The following ZHX2 variants were observed in gnomAD, a reference collection of about 807,000 sequenced individuals.
ZHX2 encodes zinc fingers and homeoboxes protein 2.
Under a neutral mutation model 21.9 loss-of-function variants are expected in ZHX2, and 6 were observed. The ratio of observed to expected loss-of-function variants is 0.27; its 90% CI spans 0.15 to 0.54. The LOEUF is 0.54. Ranked by LOEUF, ZHX2 falls within the 20% of genes least tolerant of loss-of-function variation. The pLI, the probability that ZHX2 is intolerant of heterozygous loss-of-function variation, is 0.95. For missense variants in ZHX2, 908 were observed against 1,090.7 expected, an observed-to-expected ratio of 0.83 and a Z score of 2.36; for synonymous variants, 434 against 437.1, an observed-to-expected ratio of 0.99 and a Z score of 0.09.
intron 1 of ZHX2, among the ~76,000 whole-genome samples, chr8:122,821,038 TAAAG>T (rs1222843438): frequency 2.0e-5 from 3 of 152,066 alleles, no homozygotes; most frequent in African/African-American, 4.8e-5. Context: ...GAGTCAGAAA[TAAAG>T]AAAGGAAGGA....
At chr8:122,870,480 TA>T (rs935177588) in intron 2 of ZHX2, among the ~76,000 whole-genome samples, 15 of 143,566 alleles carry the variant, frequency 1.0e-4, no homozygotes, top group African/African-American at 2.0e-4. Flanking sequence ...AAATTAAAAA[TA>T]AAAAAAAAAT....
intron 2 of ZHX2, among the ~76,000 whole-genome samples, chr8:122,896,905 T>C (rs567516262): frequency 5.3e-5 from 8 of 152,358 alleles, no homozygotes; most frequent in African/African-American, 1.9e-4. Flanking sequence ...AGATGATGTG[T>C]CCAAACTCAG....
intron 2 of ZHX2, among the ~76,000 whole-genome samples, chr8:122,881,730 C>T (rs375106186): frequency 6.6e-6 from 1 of 152,162 alleles, no homozygotes; most frequent in African/African-American, 2.4e-5. Context: ...TGACAGGCCA[C>T]GTAGGGACTA....
chr8:122,940,971 T>C (rs1044441163), intron 2 of ZHX2, among the ~76,000 whole-genome samples: 1 of 151,988 alleles, frequency 6.6e-6, no homozygotes, highest in African/African-American at 2.4e-5. Flanking sequence ...GGCTCCCACC[T>C]TTAATCCCAG....
At chr8:122,967,184 A>G (rs1203652870) in intron 3 of ZHX2, among the ~76,000 whole-genome samples, 1 of 152,220 alleles carries the variant, frequency 6.6e-6, no homozygotes, top group Non-Finnish European at 1.5e-5. Context: ...GTCCGTTGCT[A>G]GAGAGCCAGT....
At chr8:122,965,633 A>G (rs1813561784) in intron 3 of ZHX2, among the ~76,000 whole-genome samples, 2 of 152,072 alleles carry the variant, frequency 1.3e-5, no homozygotes, top group African/African-American at 4.8e-5. Flanking sequence ...GCAGTTGTTG[A>G]GTAGAACATT....
At chr8:122,930,742 G>C (rs1178656864) in intron 2 of ZHX2, among the ~76,000 whole-genome samples, 1 of 151,438 alleles carries the variant, frequency 6.6e-6, no homozygotes, top group Admixed American at 6.6e-5. Flanking sequence ...TGACTGCCTC[G>C]GTCTCCCAAA....
rs73711246 is a variant in ZHX2, at chr8:122,911,966, G to A, written c.-219-39326G>A. Among the ~76,000 whole-genome samples the A allele has an allele frequency of 6.7e-3, 1,022 of 152,224 alleles. 15 individuals are homozygous for A. Among genetic ancestry groups the A allele is most frequent in the African/African-American group, 0.024 (985 of 41,530 alleles). Reference sequence around the variant, plus strand: ...TCTGAGGCCTGGAGGGGACACACGCGCTTGAGCAGCTGCCCCCTGGAATCC... The same window carrying A: ...TCTGAGGCCTGGAGGGGACACACGCACTTGAGCAGCTGCCCCCTGGAATCC... On this transcript the variant is annotated intron_variant, in intron 2 of 3. Transcript: ENST00000314393.
chr8:122,889,392 A>AT (rs1029688772), intron 2 of ZHX2, among the ~76,000 whole-genome samples: 2 of 152,040 alleles, frequency 1.3e-5, no homozygotes, highest in Non-Finnish European at 2.9e-5. Flanking sequence ...AGCATTTGTT[A>AT]TTTTTTGTCT....
chr8:122,797,628 G>A (rs1011896570), intron 1 of ZHX2, among the ~76,000 whole-genome samples: 1 of 151,974 alleles, frequency 6.6e-6, no homozygotes, highest in Non-Finnish European at 1.5e-5. Context: ...CTTAGTCAGC[G>A]CCGTCTTTGA....
intron 2 of ZHX2, among the ~76,000 whole-genome samples, chr8:122,872,886 T>G (rs1302880717): frequency 6.6e-6 from 1 of 151,896 alleles, no homozygotes; most frequent in East Asian, 1.9e-4. Flanking sequence ...TCAGACAGGT[T>G]TCCCCCACCG....
intron 3 of ZHX2, among the ~76,000 whole-genome samples, chr8:122,957,177 CAT>C (rs1319383574): frequency 6.6e-6 from 1 of 151,828 alleles, no homozygotes; most frequent in Non-Finnish European, 1.5e-5. Context: ...CCAGCCAACA[CAT>C]GAGTTTGTCT....
At chr8:122,787,088 GGTGTGTGT>G (rs35726514) in intron 1 of ZHX2, among the ~76,000 whole-genome samples, 4 of 148,450 alleles carry the variant, frequency 2.7e-5, no homozygotes, top group East Asian at 2.0e-4. Context: ...GATTGGCAGT[GGTGTGTGT>G]GTGTGTGTGT....
intron 2 of ZHX2, among the ~76,000 whole-genome samples, chr8:122,918,490 A>G (rs1820658078): frequency 6.6e-6 from 1 of 151,768 alleles, no homozygotes; most frequent in Non-Finnish European, 1.5e-5. Context: ...CCCTCATCCC[A>G]CTTCTGTTGC....
rs148698137 is a variant in ZHX2 at position 122,952,929 on chromosome 8, C to G, written c.1419C>G (p.Ile473Met). Reference sequence around the variant, plus strand: ...ACGATGCCGAGGTTTACCGGCTCATCGAGGTGACTGGCCTTGCCAGGAGCG... The same window carrying G: ...ACGATGCCGAGGTTTACCGGCTCATGGAGGTGACTGGCCTTGCCAGGAGCG... The part of the protein sequence containing the change: ...FPDDAEVYRL[I>M]EVTGLARSEI... The change falls in exon 3 of 4, where the codon ATC (isoleucine) becomes ATG (methionine). Residue 473 changes from isoleucine to methionine, a missense_variant. This residue lies in a region of ZHX2 where 232 missense variants were observed against 361.8 expected (regional missense o/e 0.64). Transcript: ENST00000314393. The surrounding 1 kb of genome is among the most constrained non-coding windows in gnomAD (Gnocchi z 6.9). 17 of 1,614,112 alleles carry G rather than the reference C, an allele frequency of 1.1e-5. No individual in the cohort carries two copies. The highest frequency in any genetic ancestry group is 1.4e-5 in the Non-Finnish European group (17 of 1,180,028).
chr8:122,811,052 G>A (rs977042483), intron 1 of ZHX2, among the ~76,000 whole-genome samples: 3 of 152,172 alleles, frequency 2.0e-5, no homozygotes, highest in African/African-American at 7.2e-5. Context: ...AATCAGTGGA[G>A]ACAGACAGAG....
rs1772374797 is a variant in ZHX2, at chr8:122,782,776, C to T, written c.-283+830C>T. Among the ~76,000 whole-genome samples the T allele has an allele frequency of 6.6e-6, 1 of 152,160 alleles. No homozygotes were observed. The highest frequency in any genetic ancestry group is 1.5e-5 in the Non-Finnish European group (1 of 68,004). On this transcript the variant is annotated intron_variant, in intron 1 of 3. Transcript: ENST00000314393. This position sits in a 1 kb window ranked among gnomAD's most constrained non-coding sequence, Gnocchi z 5.3. ...GCGGGACCCCCGGCCCTGCTGTCCGCTGCCAGCTGGCCGGAGCCTCTGCCA... is the reference window on the plus strand; with the variant it reads ...GCGGGACCCCCGGCCCTGCTGTCCGTTGCCAGCTGGCCGGAGCCTCTGCCA...
At chr8:122,920,718 C>T (rs543028373) in intron 2 of ZHX2, among the ~76,000 whole-genome samples, 45 of 152,280 alleles carry the variant, frequency 3.0e-4, no homozygotes, top group African/African-American at 9.6e-4. Flanking sequence ...AGGCCACGTG[C>T]CCTCCAGTTC....
At chr8:122,795,208 G>A (rs755951420) in intron 1 of ZHX2, among the ~76,000 whole-genome samples, 11 of 152,234 alleles carry the variant, frequency 7.2e-5, no homozygotes, top group Non-Finnish European at 1.6e-4. Context: ...GTTGCTGCTC[G>A]CTGCTGCCCC....
Sources: gnomAD v4.1 joint callset for allele counts (sites outside exome capture counted in the v4.1 genomes callset) on GRCh38, gnomAD v4.1.1 for gene constraint, gnomAD v4.1.1 regional missense constraint, Gnocchi (gnomAD v3.1) non-coding constraint, MANE v1.5 for transcripts, NCBI Gene and HGNC (gene_info 2026-07-23, HGNC 2026-07-21) for gene names.